INPP4B: variants seen among roughly 807,000 people sequenced by gnomAD.
INPP4B encodes inositol polyphosphate 4-phosphatase type II.
A neutral mutation model predicts 122.5 loss-of-function variants in INPP4B; 55 were observed. The observed-to-expected ratio is 0.45, with a 90% CI of 0.36 to 0.56. The LOEUF is 0.56. Among genes scored for constraint, INPP4B ranks in the 20% least tolerant of loss-of-function variants. The pLI is 0.00. For missense variants in INPP4B, 1,000 were observed against 1,097.7 expected (o/e 0.91, Z 1.26); for synonymous variants, 403 against 388.7 (o/e 1.04, Z -0.43).
At chr4:142,409,252 G>A (rs1804089995) in intron 5 of INPP4B, among the ~76,000 whole-genome samples, 1 of 151,944 alleles carries the variant, frequency 6.6e-6, no homozygotes, top group Non-Finnish European at 1.5e-5. Context: ...CAGCACTTTG[G>A]GAGGCCAAGG....
chr4:142,811,711 C>T (rs771829714), intron 1 of INPP4B, among the ~76,000 whole-genome samples: 2 of 151,960 alleles, frequency 1.3e-5, no homozygotes, highest in East Asian at 1.9e-4. Flanking sequence ...TAAAATTTTG[C>T]GTGTACATTG....
chr4:142,670,182 T>C (rs1214190145), intron 2 of INPP4B, among the ~76,000 whole-genome samples: 1 of 151,962 alleles, frequency 6.6e-6, no homozygotes, highest in Non-Finnish European at 1.5e-5. Context: ...ATGTGTAGGG[T>C]TTGGTGCTAT....
intron 18 of INPP4B, among the ~76,000 whole-genome samples, chr4:142,144,238 C>G (rs1809443380): frequency 6.6e-6 from 1 of 150,800 alleles, no homozygotes; most frequent in Non-Finnish European, 1.5e-5. Flanking sequence ...CACACACACA[C>G]ACACACACAC....
chr4:142,574,165 C>A lies in INPP4B; in HGVS notation c.-190-111439G>T, dbSNP rs571626395. On this transcript the variant is annotated intron_variant, in intron 2 of 25. Coordinates refer to ENST00000262992, the MANE Select transcript of INPP4B (RefSeq NM_001101669.3). Reference sequence around the variant, plus strand: ...CAAAATTTGGACTCACCATTTCCAACATTATATCCAGCTGTTTCCAGCTAA... The same window carrying A: ...CAAAATTTGGACTCACCATTTCCAAAATTATATCCAGCTGTTTCCAGCTAA... 3.3e-5 allele frequency among the ~76,000 whole-genome samples: 5 copies of A among 152,176 alleles called. No homozygotes were observed. In the East Asian group the frequency reaches 9.7e-4, roughly 30 times the overall value.
At position 142,359,389 on chromosome 4, in the gene INPP4B, A is replaced by C. The variant is rs141511503; in HGVS notation, c.372+43549T>G. ...CAGTACCTACCCTCATGTTGTTGTC[A>C]CAAAGATTAAATAATTATAAATGCC... is the stretch of plus-strand genomic sequence containing the variant. On this transcript the variant is annotated intron_variant, in intron 7 of 25. Transcript: ENST00000262992. Among the ~76,000 whole-genome samples, 20 of 152,092 alleles carry C rather than the reference A, an allele frequency of 1.3e-4. 1 individual carries two copies. In the East Asian group the frequency reaches 3.7e-3, roughly 28 times the overall value.
At chr4:142,472,561 T>C (rs1819049364) in intron 2 of INPP4B, among the ~76,000 whole-genome samples, 1 of 152,214 alleles carries the variant, frequency 6.6e-6, no homozygotes, top group South Asian at 2.1e-4. Context: ...AATATATGAA[T>C]ATTCTTTATG....
intron 9 of INPP4B, among the ~76,000 whole-genome samples, chr4:142,304,023 C>CTGTTA: frequency 6.6e-6 from 1 of 152,166 alleles, no homozygotes; most frequent in South Asian, 2.1e-4. Flanking sequence ...ATGTTAATGA[C>CTGTTA]TGTTATGTTA....
chr4:142,569,159 T>A (rs1378793876), intron 2 of INPP4B, among the ~76,000 whole-genome samples: 2 of 152,048 alleles, frequency 1.3e-5, no homozygotes, highest in African/African-American at 2.4e-5. Flanking sequence ...TACAAAAAAG[T>A]AGAAACAAAA....
At chr4:142,132,002 G>A (rs760226069) in intron 18 of INPP4B, among the ~76,000 whole-genome samples, 3 of 151,606 alleles carry the variant, frequency 2.0e-5, no homozygotes, top group Non-Finnish European at 4.4e-5. Flanking sequence ...GTTCCTGGAT[G>A]AGAGCTATCA....
rs758457590 is a variant in INPP4B, at chr4:142,270,792, C to T, written c.504-18G>A. 3.5e-5 allele frequency: 54 copies of T among 1,532,858 alleles called. No homozygotes were observed. Among genetic ancestry groups the T allele is most frequent in the Admixed American group, 2.2e-4 (13 of 59,796 alleles). 95.0% of individuals were successfully genotyped at this position (1,532,858 alleles called of 1,614,324 possible). On this transcript the variant is annotated intron_variant, in intron 9 of 25. Coordinates refer to ENST00000262992, the MANE Select transcript of INPP4B (RefSeq NM_001101669.3). ...CTGAAGTTCTGCAACAAAAAATACA[C>T]GAAATGGAAAGGTAAGAAGCTTCTC...
At chr4:142,321,021 T>C (rs1253558794) in intron 7 of INPP4B, among the ~76,000 whole-genome samples, 1 of 152,226 alleles carries the variant, frequency 6.6e-6, no homozygotes, top group African/African-American at 2.4e-5. Context: ...GATCTACTTT[T>C]AGTATGTTAA....
At chr4:142,798,338 C>A (rs1695485536) in intron 1 of INPP4B, among the ~76,000 whole-genome samples, 2 of 151,568 alleles carry the variant, frequency 1.3e-5, no homozygotes, top group South Asian at 4.2e-4. Flanking sequence ...GTAATTGGGC[C>A]CATGAAGAAG....
rs754718955 is a variant in INPP4B, at chr4:142,260,594, A to T, written c.616-30T>A. 87 of 1,097,116 alleles carry T rather than the reference A, an allele frequency of 7.9e-5. No homozygotes were observed. In the Middle Eastern group the frequency reaches 9.1e-4, roughly 12 times the overall value. The allele number at this position is 1,097,116 out of a possible 1,614,324, so 68.0% of individuals were successfully genotyped here. ...GAAAAAATGTAAAAAAAAAAAAAAAATTTTGAGAACAATCAAAATAAGGAA... is the reference window on the plus strand; with the variant it reads ...GAAAAAATGTAAAAAAAAAAAAAAATTTTTGAGAACAATCAAAATAAGGAA... On this transcript the variant is annotated intron_variant, in intron 10 of 25. Coordinates refer to ENST00000262992, the MANE Select transcript of INPP4B (RefSeq NM_001101669.3).
chr4:142,625,949 G>C (rs1435556969), intron 2 of INPP4B, among the ~76,000 whole-genome samples: 1 of 152,142 alleles, frequency 6.6e-6, no homozygotes. Context: ...GCTGAAATTG[G>C]ATCCCTTCCT....
intron 9 of INPP4B, among the ~76,000 whole-genome samples, chr4:142,283,234 T>C (rs1752010373): frequency 1.3e-5 from 2 of 152,050 alleles, no homozygotes; most frequent in South Asian, 2.1e-4. Flanking sequence ...AAGGGTAGCA[T>C]TGCAATTTCC....
chr4:142,147,526 C>A (rs1811429769), intron 17 of INPP4B, among the ~76,000 whole-genome samples: 2 of 152,136 alleles, frequency 1.3e-5, no homozygotes, highest in Non-Finnish European at 2.9e-5. Context: ...CCTGGGGAAG[C>A]CCAGTTGTCT....
At position 142,309,617 on chromosome 4, in the gene INPP4B, C is replaced by G. The variant is rs116757181; in HGVS notation, c.424-4080G>C. Among the ~76,000 whole-genome samples, 512 of 152,310 alleles carry G rather than the reference C, an allele frequency of 3.4e-3. 3 individuals are homozygous for G. The highest frequency in any genetic ancestry group is 0.012 in the African/African-American group (494 of 41,570). ...CCAGGTTTCTTGCTTCTCTGTCCAG[C>G]ATTCTTTCATCCCCACCATGCTATG... On this transcript the variant is annotated intron_variant, in intron 8 of 25. Transcript: ENST00000262992.
At chr4:142,332,157 C>T (rs1579760337) in intron 7 of INPP4B, among the ~76,000 whole-genome samples, 1 of 152,276 alleles carries the variant, frequency 6.6e-6, no homozygotes, top group African/African-American at 2.4e-5. Flanking sequence ...TATTTCATAG[C>T]TTATTCCAAA....
chr4:142,252,376 G>C (rs1732704866), intron 11 of INPP4B, among the ~76,000 whole-genome samples: 1 of 151,668 alleles, frequency 6.6e-6, no homozygotes, highest in Admixed American at 6.6e-5. Context: ...TTTTAGTAGA[G>C]ACGGGGTTTC....
Sources: allele counts gnomAD v4.1 joint callset (sites outside exome capture counted in the v4.1 genomes callset), GRCh38; gene constraint gnomAD v4.1.1; transcripts MANE v1.5; gene names NCBI Gene and HGNC (gene_info 2026-07-23, HGNC 2026-07-21).